Variants in TTC39C observed in about 807,000 individuals in gnomAD.
TTC39C encodes the protein tetratricopeptide repeat domain 39C, also known as tetratricopeptide repeat protein 39C.
Under a neutral mutation model 76.3 loss-of-function variants are expected in TTC39C, and 33 were observed. That is an observed-to-expected ratio of 0.43 (90% CI 0.33 to 0.58). TTC39C has a LOEUF of 0.58. Ranked by LOEUF, TTC39C falls within the 20% of genes least tolerant of loss-of-function variation. The pLI is 0.04. For synonymous variants in TTC39C, 254 were observed against 260.6 expected, an observed-to-expected ratio of 0.97 and a Z score of 0.24; for missense variants, 595 against 701.4, an observed-to-expected ratio of 0.85 and a Z score of 1.71.
At chr18:23,995,377 C>T (rs908547370) in intron 1 of TTC39C, among the ~76,000 whole-genome samples, 4 of 151,340 alleles carry the variant, frequency 2.6e-5, no homozygotes, top group South Asian at 2.1e-4. Flanking sequence ...GGCTGAGGCA[C>T]GAAAATCACG....
At chr18:24,113,978 G>T (rs2084854693) in intron 6 of TTC39C, 1 of 393,664 alleles carries the variant, frequency 2.5e-6, no homozygotes, top group Admixed American at 3.9e-5. Context: ...GCATTCTAGG[G>T]TATAGAAGCA....
intron 6 of TTC39C, among the ~76,000 whole-genome samples, chr18:24,083,289 G>A (rs1484425402): frequency 6.6e-6 from 1 of 152,142 alleles, no homozygotes; most frequent in Non-Finnish European, 1.5e-5. Flanking sequence ...AGATGTGGGC[G>A]AAGTAGGGGT....
chr18:24,031,332 T>C (rs1197507442), intron 1 of TTC39C, among the ~76,000 whole-genome samples: 1 of 152,160 alleles, frequency 6.6e-6, no homozygotes, highest in East Asian at 1.9e-4. Context: ...AAAAAGATTG[T>C]GAGTGGAAGA....
intron 1 of TTC39C, among the ~76,000 whole-genome samples, chr18:24,047,128 C>T (rs546498626): frequency 3.3e-5 from 5 of 151,738 alleles, no homozygotes; most frequent in East Asian, 3.9e-4. Context: ...GAGTCTCACT[C>T]GGTCACACAG....
At chr18:24,107,136 G>A (rs925912265) in intron 6 of TTC39C, among the ~76,000 whole-genome samples, 2 of 152,144 alleles carry the variant, frequency 1.3e-5, no homozygotes, top group Admixed American at 6.5e-5. Flanking sequence ...GTGCCTGAAT[G>A]GGTGTCACCA....
At chr18:24,006,438 C>A (rs1411947692) in intron 1 of TTC39C, 1 of 152,036 alleles carries the variant, frequency 6.6e-6, no homozygotes, top group Non-Finnish European at 1.5e-5. Context: ...CAATTGTCTT[C>A]AAAAATTTGT....
At chr18:24,053,468 C>T (rs1222845823) in intron 1 of TTC39C, among the ~76,000 whole-genome samples, 1 of 152,190 alleles carries the variant, frequency 6.6e-6, no homozygotes, top group East Asian at 1.9e-4. Flanking sequence ...GTGGCACTGG[C>T]TGAACAGATA....
Position 24,005,106 on chromosome 18 carries a change from T to G in TTC39C, c.-17+12068T>G, listed in dbSNP as rs79732277. Among the ~76,000 whole-genome samples, 177 of 152,340 alleles carry G rather than the reference T, an allele frequency of 1.2e-3. 4 individuals are homozygous for G. In the East Asian group the frequency reaches 0.027, roughly 23 times the overall value. ...CCTCAGTCAGGTTTCCAGAAGGTAC[T>G]AGATTTTAAGTTAACAACTAAGACT... On this transcript the variant is annotated intron_variant, in intron 1 of 13. Coordinates refer to the TTC39C transcript ENST00000304621.
intron 3 of TTC39C, among the ~76,000 whole-genome samples, chr18:24,067,480 G>T (rs758614736): frequency 1.3e-5 from 2 of 152,214 alleles, no homozygotes; most frequent in African/African-American, 4.8e-5. Flanking sequence ...GAGGTGATCT[G>T]CAGGGCAGGT....
At position 24,133,237 on chromosome 18, in the gene TTC39C, C is replaced by T. The variant is rs1403659388; in HGVS notation, c.*663C>T. 1 of 152,162 alleles carries T rather than the reference C, an allele frequency of 6.6e-6. No individual in the cohort carries two copies. Among genetic ancestry groups the T allele is most frequent in the East Asian group, 1.9e-4 (1 of 5,202 alleles). 9.4% of individuals were successfully genotyped at this position (152,162 alleles called of 1,614,324 possible). ...AATTCATGTTAATAGGCCAGAATTC[C>T]ATGTTTTACTTATTAAAAGAACAAA... On this transcript the variant is annotated 3_prime_UTR_variant, in exon 14 of 14. Transcript: ENST00000317571.
chr18:24,025,016 G>A (rs1302215605), intron 1 of TTC39C, among the ~76,000 whole-genome samples: 7 of 152,014 alleles, frequency 4.6e-5, no homozygotes, highest in Non-Finnish European at 7.4e-5. Context: ...CTACAGGTGC[G>A]TGCCGCCACA....
intron 6 of TTC39C, among the ~76,000 whole-genome samples, chr18:24,103,108 A>G (rs1182980223): frequency 6.6e-6 from 1 of 152,204 alleles, no homozygotes; most frequent in Non-Finnish European, 1.5e-5. Context: ...TCTGGAAAAA[A>G]AAGAAAAAAG....
intron 1 of TTC39C, among the ~76,000 whole-genome samples, chr18:24,002,444 G>C (rs2145627296): frequency 6.6e-6 from 1 of 152,344 alleles, no homozygotes; most frequent in African/African-American, 2.4e-5. Flanking sequence ...AAATTGACCA[G>C]CAGCCATTTA....
chr18:24,085,670 G>A (rs1465849742), intron 6 of TTC39C, among the ~76,000 whole-genome samples: 3 of 152,178 alleles, frequency 2.0e-5, no homozygotes, highest in Non-Finnish European at 4.4e-5. Flanking sequence ...CTATTTGGGG[G>A]TAGATAATTG....
intron 13 of TTC39C, 30 bp from the exon 14 acceptor site, chr18:24,132,455 G>T: frequency 1.2e-6 from 2 of 1,601,064 alleles, no homozygotes; most frequent in Non-Finnish European, 8.6e-7. Context: ...AGCTAACAGA[G>T]TGCATAAATA....
At chr18:24,105,490 GCACA>G (rs373972712) in intron 6 of TTC39C, among the ~76,000 whole-genome samples, 24 of 151,980 alleles carry the variant, frequency 1.6e-4, no homozygotes, top group African/African-American at 5.8e-4. Flanking sequence ...ATACATATGT[GCACA>G]CACACACACA....
At chr18:24,048,495 G>A (rs1404902107) in intron 1 of TTC39C, among the ~76,000 whole-genome samples, 1 of 152,174 alleles carries the variant, frequency 6.6e-6, no homozygotes, top group African/African-American at 2.4e-5. Flanking sequence ...GGCCAGTTAT[G>A]CCTGTATGAG....
chr18:24,111,906 A>T (rs1215392522), intron 6 of TTC39C, among the ~76,000 whole-genome samples: 1 of 23,826 alleles, frequency 4.2e-5, no homozygotes, highest in South Asian at 1.5e-3. Flanking sequence ...TATCTTTAAA[A>T]ATATATATAT....
intron 6 of TTC39C, among the ~76,000 whole-genome samples, chr18:24,104,093 G>A (rs1443419044): frequency 2.6e-5 from 4 of 151,962 alleles, no homozygotes; most frequent in South Asian, 2.1e-4. Flanking sequence ...CACCACGCCC[G>A]GCTAATTTTT....
Sources: gnomAD v4.1 joint callset for allele counts (sites outside exome capture counted in the v4.1 genomes callset) on GRCh38, gnomAD v4.1.1 for gene constraint, MANE v1.5 for transcripts, NCBI Gene and HGNC (gene_info 2026-07-23, HGNC 2026-07-21) for gene names.